The following TENM1 variants were observed in gnomAD, a reference collection of about 807,000 sequenced individuals.
TENM1 encodes the protein teneurin transmembrane protein 1.
Under a neutral mutation model 174.8 loss-of-function variants are expected in TENM1, and 35 were observed. The observed-to-expected ratio is 0.20, with a 90% CI of 0.15 to 0.27. The LOEUF (loss-of-function observed/expected upper bound fraction) is 0.27. Among genes scored for constraint, TENM1 ranks in the 10% least tolerant of loss-of-function variants. The pLI, the probability that TENM1 is intolerant of heterozygous loss-of-function variation, is 1.00. For synonymous variants in TENM1, 781 were observed against 798.7 expected (o/e 0.98, Z 0.37); for missense variants, 1,633 against 2,130.1 (o/e 0.77, Z 4.59).
At chrX:124,780,269 G>T (rs757368967) in intron 3 of TENM1, among the ~76,000 whole-genome samples, 4 of 112,167 alleles carry the variant, frequency 3.6e-5, no homozygotes, top group African/African-American at 1.3e-4. Flanking sequence ...GGACCAAAGC[G>T]TGCTTATACA....
At chrX:124,893,906 A>G (rs963921536) in intron 3 of TENM1, among the ~76,000 whole-genome samples, 1 of 111,848 alleles carries the variant, frequency 8.9e-6, no homozygotes, top group Non-Finnish European at 1.9e-5. Context: ...GCAACATCTG[A>G]AAGTTATGAC....
intron 3 of TENM1, among the ~76,000 whole-genome samples, chrX:124,847,047 G>A (rs2147383181): frequency 8.9e-6 from 1 of 111,751 alleles, no homozygotes; most frequent in African/African-American, 3.2e-5. Flanking sequence ...AAATGTCAGT[G>A]AGAGTTTTAA....
At chrX:124,598,472 A>C (rs184887695) in intron 11 of TENM1, among the ~76,000 whole-genome samples, 6 of 112,032 alleles carry the variant, frequency 5.4e-5, no homozygotes, top group Admixed American at 4.7e-4. Context: ...AATAGCTAAG[A>C]TTTGGAAGCA....
the TENM1 span, among the ~76,000 whole-genome samples, chrX:125,003,629 T>C: frequency 1.8e-5 from 2 of 111,434 alleles, no homozygotes; most frequent in Admixed American, 9.6e-5. Flanking sequence ...GGTTTTTTTT[T>C]CTTTTTACCA....
chrX:124,425,995 GGTGTGTGTGTGTGTGTGTGTGTGTGT>G (rs200141105), intron 23 of TENM1, among the ~76,000 whole-genome samples: 13 of 88,006 alleles, frequency 1.5e-4, no homozygotes, highest in Admixed American at 8.8e-4. Flanking sequence ...CAAAAGGACT[GGTGTGTGTGTGTGTGTGTGTGTGTGT>G]GTGTGTGTGT....
chrX:124,501,987 C>T (rs2047341371), intron 19 of TENM1, among the ~76,000 whole-genome samples: 1 of 95,217 alleles, frequency 1.1e-5, no homozygotes, highest in African/African-American at 3.9e-5. Flanking sequence ...CAAAGGAAGG[C>T]TTCTTTCTCA....
the TENM1 span, among the ~76,000 whole-genome samples, chrX:125,069,169 T>A: frequency 9.0e-6 from 1 of 111,686 alleles, no homozygotes; most frequent in Non-Finnish European, 1.9e-5. Flanking sequence ...TCCTCCCCAA[T>A]TTTGGAGTCC....
At chrX:124,602,605 A>G (rs1204931001) in intron 11 of TENM1, among the ~76,000 whole-genome samples, 1 of 110,591 alleles carries the variant, frequency 9.0e-6, no homozygotes, top group African/African-American at 3.3e-5. Context: ...TTATGGTGCA[A>G]GGGTGAGGGA....
At chrX:124,512,067 C>T (rs192179762) in intron 18 of TENM1, among the ~76,000 whole-genome samples, 1 of 112,016 alleles carries the variant, frequency 8.9e-6, no homozygotes, top group Admixed American at 9.5e-5. Context: ...ACTTCCAGGA[C>T]TCCAAACTGC....
chrX:124,745,988 G>T, intron 3 of TENM1, among the ~76,000 whole-genome samples: 1 of 111,552 alleles, frequency 9.0e-6, no homozygotes, highest in Non-Finnish European at 1.9e-5. Context: ...CAATTCTGTA[G>T]GAAGGACAGA....
intron 1 of TENM1, among the ~76,000 whole-genome samples, chrX:124,900,860 C>T (rs1323160633): frequency 9.7e-6 from 1 of 102,990 alleles, no homozygotes; most frequent in Non-Finnish European, 2.0e-5. Context: ...GGTGTGGTCT[C>T]GGCTCACTGC....
the TENM1 span, among the ~76,000 whole-genome samples, chrX:125,081,217 T>A: frequency 9.0e-6 from 1 of 111,238 alleles, no homozygotes; most frequent in African/African-American, 3.3e-5. Context: ...ATATGGAGTG[T>A]GTGTTTGTCG....
chrX:124,815,044 A>G (rs2055867312), intron 3 of TENM1, among the ~76,000 whole-genome samples: 1 of 111,908 alleles, frequency 8.9e-6, no homozygotes, highest in African/African-American at 3.2e-5. Context: ...AGCAAATGTA[A>G]GCATCAGTAG....
intron 22 of TENM1, among the ~76,000 whole-genome samples, chrX:124,467,524 G>T (rs1473542737): frequency 8.9e-6 from 1 of 111,775 alleles, no homozygotes; most frequent in Non-Finnish European, 1.9e-5. Flanking sequence ...AAACCAATCT[G>T]TTCAGAAAAT....
At position 124,847,947 on chromosome X, in the gene TENM1, G is replaced by A. The variant is rs750397311; in HGVS notation, c.535+46349C>T. Among the ~76,000 whole-genome samples the A allele has an allele frequency of 1.6e-4, 18 of 111,019 alleles. No homozygotes were observed. The South Asian group carries it at 4.2e-3, about 26-fold the overall frequency. ...GACTTATTTTATGACAGCTATCAGC[G>A]GGCTTTTTAGTAATCTGATAGATAA... On this transcript the variant is annotated intron_variant, in intron 3 of 31. Coordinates refer to ENST00000422452, the Ensembl canonical transcript of TENM1.
chrX:124,380,870 C>T lies in TENM1; in HGVS notation c.7865G>A (p.Arg2622Lys), dbSNP rs752134776. ...CTGAATATCTGCAAACCGTCTAGTC[C>T]TCCCATTCAACACAGAAGTCATCTG... The change falls in exon 32 of 32, where the codon AGG becomes AAG. Residue 2622 changes from arginine (R) to lysine (K), a missense_variant. This residue lies in a region of TENM1 where 807 missense variants were observed against 1,125.3 expected (regional missense o/e 0.72). Coordinates refer to ENST00000422452, the Ensembl canonical transcript of TENM1. The T allele has an allele frequency of 2.5e-6, 3 of 1,209,491 alleles. No homozygotes were observed. In the East Asian group the frequency reaches 8.9e-5, roughly 36 times the overall value.
chrX:124,377,854 T>G (rs2060119026), exon 32 of TENM1: 1 of 112,217 alleles, frequency 8.9e-6, no homozygotes, highest in African/African-American at 3.2e-5. Flanking sequence ...CTTTCAATAA[T>G]TTAAACTGCA....
chrX:124,871,381 T>C (rs191941008), intron 3 of TENM1, among the ~76,000 whole-genome samples: 1,199 of 111,685 alleles, frequency 0.011, 14 homozygotes, highest in African/African-American at 0.037. Context: ...GAACAGAGTT[T>C]GCTAATACAG....
the TENM1 span, among the ~76,000 whole-genome samples, chrX:125,119,442 A>C: frequency 1.1e-5 from 1 of 88,928 alleles, no homozygotes; most frequent in African/African-American, 5.9e-5. Context: ...AATTCTTGTT[A>C]TTTACTGCTT....
Sources: allele counts gnomAD v4.1 joint callset (sites outside exome capture counted in the v4.1 genomes callset), GRCh38; gene constraint gnomAD v4.1.1; regional missense constraint gnomAD v4.1.1; transcripts MANE v1.5; gene names NCBI Gene and HGNC (gene_info 2026-07-23, HGNC 2026-07-21).